The following PKIB variants were observed in gnomAD, a reference collection of about 807,000 sequenced individuals.
PKIB encodes PKI-beta.
In PKIB, 2 loss-of-function variants were observed where a neutral mutation model predicts 4.5. The ratio of observed to expected loss-of-function variants is 0.44; its 90% CI spans 0.18 to 1.39. The LOEUF (loss-of-function observed/expected upper bound fraction) is 1.39, where lower values mean the gene tolerates loss of function less well. PKIB is among the 40% of genes most tolerant of loss of function. The pLI, the probability that PKIB is intolerant of heterozygous loss-of-function variation, is 0.27. For synonymous variants in PKIB, 38 were observed against 36.0 expected (o/e 1.06, Z -0.20); for missense variants, 94 against 92.6 (o/e 1.02, Z -0.06).
intron 2 of PKIB, among the ~76,000 whole-genome samples, chr6:122,661,303 T>G (rs754448277): frequency 5.9e-5 from 9 of 152,196 alleles, no homozygotes; most frequent in Non-Finnish European, 1.2e-4. Context: ...TTAGGTCATT[T>G]TCATCACCCC....
At chr6:122,648,540 G>T (rs1463679755) in intron 2 of PKIB, among the ~76,000 whole-genome samples, 1 of 152,198 alleles carries the variant, frequency 6.6e-6, no homozygotes, top group Non-Finnish European at 1.5e-5. Flanking sequence ...AACATGGTAA[G>T]ATCAGTGAAT....
intron 1 of PKIB, among the ~76,000 whole-genome samples, chr6:122,632,419 C>T (rs1775739931): frequency 6.6e-6 from 1 of 152,120 alleles, no homozygotes; most frequent in African/African-American, 2.4e-5. Context: ...TGTGTCTGCT[C>T]AAATATGTAG....
intron 3 of PKIB, among the ~76,000 whole-genome samples, chr6:122,600,098 T>C (rs1037488216): frequency 3.3e-5 from 5 of 152,106 alleles, no homozygotes; most frequent in Admixed American, 2.6e-4. Flanking sequence ...GGTCCCACAA[T>C]AGGCTGCCTG....
chr6:122,602,126 C>T lies in PKIB; in HGVS notation c.-161+16119C>T, dbSNP rs550952569. Among the ~76,000 whole-genome samples the T allele has an allele frequency of 1.6e-4, 24 of 152,032 alleles. No homozygotes were observed. The South Asian group carries it at 3.7e-3, about 24-fold the overall frequency. On this transcript the variant is annotated intron_variant, in intron 3 of 6. Coordinates refer to the PKIB transcript ENST00000392491. ...AGATATTTACTCCTAGGAATCATAG[C>T]GGTGCTTCAACTCAAACCACTGGAA...
intron 3 of PKIB, among the ~76,000 whole-genome samples, chr6:122,592,322 A>G (rs1291726187): frequency 6.6e-6 from 1 of 152,136 alleles, no homozygotes; most frequent in African/African-American, 2.4e-5. Flanking sequence ...TACTTTCTGG[A>G]TTTAAATTTC....
intron 2 of PKIB, among the ~76,000 whole-genome samples, chr6:122,642,032 G>A (rs1385615226): frequency 3.9e-5 from 6 of 152,168 alleles, no homozygotes; most frequent in African/African-American, 1.4e-4. Context: ...GCCAATCACA[G>A]ACACCCAGCT....
At chr6:122,719,953 A>G (rs1366261646) in intron 4 of PKIB, among the ~76,000 whole-genome samples, 2 of 152,198 alleles carry the variant, frequency 1.3e-5, no homozygotes, top group African/African-American at 4.8e-5. Context: ...TGACATAGAT[A>G]ATATTTTATT....
At chr6:122,513,063 A>G (rs1385706633) in intron 2 of PKIB, among the ~76,000 whole-genome samples, 1 of 152,170 alleles carries the variant, frequency 6.6e-6, no homozygotes, top group Non-Finnish European at 1.5e-5. Context: ...ATGTGGACAC[A>G]TCATCTTATT....
In PKIB at chr6:122,592,733, T is replaced by G. The variant is rs1054503699; in HGVS notation, c.-161+6726T>G. Among the ~76,000 whole-genome samples the G allele has an allele frequency of 4.6e-5, 7 of 152,320 alleles. No homozygotes were observed. The East Asian group carries it at 7.7e-4, about 17-fold the overall frequency. On this transcript the variant is annotated intron_variant, in intron 3 of 6. Coordinates refer to the PKIB transcript ENST00000392491. ...CCTAGAGTAAAAGAAGCACAGTTTA[T>G]CTAGAGTAAAATCTCAAGGGATTAG...
chr6:122,689,208 A>G (rs914996475), intron 3 of PKIB, among the ~76,000 whole-genome samples: 8 of 152,038 alleles, frequency 5.3e-5, no homozygotes, highest in Non-Finnish European at 1.0e-4. Context: ...ATTTTTCTAA[A>G]AACCGAATTT....
intron 2 of PKIB, among the ~76,000 whole-genome samples, chr6:122,572,898 A>T (rs539698643): frequency 6.6e-6 from 1 of 152,304 alleles, no homozygotes; most frequent in East Asian, 1.9e-4. Flanking sequence ...TCCTGGAAAC[A>T]TGTAATTCTC....
chr6:122,476,676 G>T (rs1775458037), intron 1 of PKIB, among the ~76,000 whole-genome samples: 1 of 152,134 alleles, frequency 6.6e-6, no homozygotes, highest in African/African-American at 2.4e-5. Context: ...TAATAAAGTG[G>T]ATAGCAAATT....
chr6:122,492,021 C>T (rs1310906667), intron 2 of PKIB, among the ~76,000 whole-genome samples: 1 of 152,146 alleles, frequency 6.6e-6, no homozygotes, highest in South Asian at 2.1e-4. Context: ...ATTAGTTACG[C>T]AGATATTTCA....
intron 3 of PKIB, among the ~76,000 whole-genome samples, chr6:122,687,281 G>A (rs1051057076): frequency 6.6e-6 from 1 of 152,102 alleles, no homozygotes; most frequent in Admixed American, 6.5e-5. Context: ...TACTGTAGAT[G>A]TATAGATTTG....
Position 122,490,882 on chromosome 6 carries a change from G to A in PKIB, c.-248+12943G>A, listed in dbSNP as rs149133857. On this transcript the variant is annotated intron_variant, in intron 2 of 6. Coordinates refer to the PKIB transcript ENST00000392491. ...CAGCTGAATCCATAGGGAAGCTCTA[G>A]AACTAGAATGACCCTTTAGAGTTGC... Among the ~76,000 whole-genome samples, 62 of 152,298 alleles carry A rather than the reference G, an allele frequency of 4.1e-4. 1 individual carries two copies. The highest frequency in any genetic ancestry group is 1.3e-3 in the African/African-American group (54 of 41,560).
At chr6:122,646,848 C>G (rs1776337897) in intron 2 of PKIB, among the ~76,000 whole-genome samples, 1 of 152,110 alleles carries the variant, frequency 6.6e-6, no homozygotes, top group Non-Finnish European at 1.5e-5. Context: ...TACTATATTT[C>G]TAGTACACCC....
intron 3 of PKIB, among the ~76,000 whole-genome samples, chr6:122,682,954 T>C (rs891035502): frequency 6.6e-6 from 1 of 152,198 alleles, no homozygotes; most frequent in Admixed American, 6.5e-5. Context: ...CTAGAGTTCA[T>C]TGGTTGGGCC....
At chr6:122,510,887 A>G (rs1255006885) in intron 2 of PKIB, among the ~76,000 whole-genome samples, 1 of 152,128 alleles carries the variant, frequency 6.6e-6, no homozygotes, top group Non-Finnish European at 1.5e-5. Flanking sequence ...AGGCGCAGCA[A>G]GCCGAGTCAT....
At chr6:122,715,797 G>A (rs1326726864) in intron 3 of PKIB, among the ~76,000 whole-genome samples, 2 of 151,930 alleles carry the variant, frequency 1.3e-5, no homozygotes, top group African/African-American at 4.8e-5. Flanking sequence ...CTAACTATGT[G>A]CATTATGGGG....
Sources: allele counts gnomAD v4.1 joint callset (sites outside exome capture counted in the v4.1 genomes callset), GRCh38; gene constraint gnomAD v4.1.1; transcripts MANE v1.5; gene names NCBI Gene and HGNC (gene_info 2026-07-23, HGNC 2026-07-21).